The following ZFC3H1 variants were observed in gnomAD, a reference collection of about 807,000 sequenced individuals.
The protein encoded by ZFC3H1 is zinc finger C3H1-type containing.
A neutral mutation model predicts 243.7 loss-of-function variants in ZFC3H1; 71 were observed. The ratio of observed to expected loss-of-function variants is 0.29; its 90% CI spans 0.24 to 0.36. The LOEUF (loss-of-function observed/expected upper bound fraction) is 0.36, where lower values mean the gene tolerates loss of function less well. ZFC3H1 is among the 10% of genes least tolerant of loss of function. The pLI is 1.00. For missense variants in ZFC3H1, 1,966 were observed against 2,317.1 expected, an observed-to-expected ratio of 0.85 and a Z score of 3.11; for synonymous variants, 838 against 813.0, an observed-to-expected ratio of 1.03 and a Z score of -0.52.
At chr12:71,649,859 T>C (rs1012280917) in intron 2 of ZFC3H1, among the ~76,000 whole-genome samples, 8 of 152,224 alleles carry the variant, frequency 5.3e-5, no homozygotes, top group Admixed American at 2.0e-4. Context: ...TCTATTAACA[T>C]AGCAGGTACC....
intron 2 of ZFC3H1, among the ~76,000 whole-genome samples, chr12:71,648,803 C>T (rs975549275): frequency 1.3e-5 from 2 of 152,008 alleles, no homozygotes; most frequent in African/African-American, 2.4e-5. Flanking sequence ...GAAAATAATT[C>T]GAGCAGCCAG....
intron 7 of ZFC3H1, among the ~76,000 whole-genome samples, chr12:71,637,895 T>C (rs1281491494): frequency 6.6e-6 from 1 of 152,144 alleles, no homozygotes; most frequent in Non-Finnish European, 1.5e-5. Flanking sequence ...CTTTTTTTCC[T>C]TTTCCTTTTA....
chr12:71,656,159 C>CT (rs1881012438), intron 2 of ZFC3H1, among the ~76,000 whole-genome samples: 1 of 152,078 alleles, frequency 6.6e-6, no homozygotes, highest in Non-Finnish European at 1.5e-5. Context: ...CTTGGAGAAA[C>CT]TGTTTGAGGT....
chr12:71,656,460 C>T (rs745852888), intron 2 of ZFC3H1: 1 of 615,766 alleles, frequency 1.6e-6, no homozygotes, highest in South Asian at 2.0e-5. Flanking sequence ...GATGCTCATC[C>T]CAATAATGAA....
intron 6 of ZFC3H1, 56 bp from the exon 7 acceptor site, chr12:71,638,571 T>C (rs1397033804): frequency 1.8e-5 from 24 of 1,349,578 alleles, no homozygotes; most frequent in Non-Finnish European, 2.4e-5. Context: ...ATCAGGAATA[T>C]ATTAAGTTTA....
rs1881259456 is a variant in ZFC3H1 at position 71,663,692 on chromosome 12, A to G, written c.-82T>C. 6.7e-7 allele frequency: 1 copy of G among 1,497,590 alleles called. No homozygotes were observed. Among genetic ancestry groups the G allele is most frequent in the East Asian group, 2.3e-5 (1 of 44,246 alleles). The allele number at this position is 1,497,590 out of a possible 1,614,324, so 92.8% of individuals were successfully genotyped here. ...AATTGCCTCGTTTCCCTTCTTTCCT[A>G]ACGGACTGGGTCGGTGCGGTCTTAC... On this transcript the variant is annotated 5_prime_UTR_variant, in exon 1 of 35. Coordinates refer to ENST00000378743, the MANE Select transcript of ZFC3H1 (RefSeq NM_144982.5).
chr12:71,634,904 G>A, intron 10 of ZFC3H1, 79 bp from the exon 11 acceptor site: 2 of 1,461,590 alleles, frequency 1.4e-6, no homozygotes, highest in South Asian at 2.7e-5. Flanking sequence ...ATTTTACATT[G>A]CAACCCAGTG....
intron 1 of ZFC3H1, among the ~76,000 whole-genome samples, chr12:71,658,410 T>A (rs543691166): frequency 6.8e-6 from 1 of 148,084 alleles, no homozygotes; most frequent in South Asian, 2.2e-4. Flanking sequence ...TGTCTCAGCC[T>A]CCTGAGTAGC....
chr12:71,655,465 G>C (rs1455026292), intron 2 of ZFC3H1, among the ~76,000 whole-genome samples: 2 of 151,722 alleles, frequency 1.3e-5, no homozygotes, highest in Non-Finnish European at 2.9e-5. Context: ...ACTTATTTCA[G>C]GGTAAATTAA....
chr12:71,614,769 A>T, intron 29 of ZFC3H1, 65 bp downstream of exon 29: 2 of 1,588,574 alleles, frequency 1.3e-6, no homozygotes, highest in South Asian at 2.3e-5. Context: ...AAAGCTGGTC[A>T]CCCCTTTCCC....
At chr12:71,634,437 G>C in intron 11 of ZFC3H1, 133 bp from the exon 12 acceptor site, 1 of 1,151,210 alleles carries the variant, frequency 8.7e-7, no homozygotes, top group Non-Finnish European at 1.2e-6. Flanking sequence ...CAATATGCAA[G>C]ACCCAAGTCA....
At chr12:71,645,532 C>T (rs1375407330) in intron 3 of ZFC3H1, among the ~76,000 whole-genome samples, 2 of 152,174 alleles carry the variant, frequency 1.3e-5, no homozygotes, top group African/African-American at 2.4e-5. Flanking sequence ...AACAGACACA[C>T]TGAATGTCAA....
Position 71,633,275 on chromosome 12 carries a change from G to A in ZFC3H1, c.2674C>T (p.Leu892Phe). ...LNVNRMFLKK[L>F]QEQIHRVQQR... ...TTTAAAATAATTACTTGTTCCTGAAGCTTCTTCAAAAACATTCTGTTAACA... is the reference window on the plus strand; with the variant it reads ...TTTAAAATAATTACTTGTTCCTGAAACTTCTTCAAAAACATTCTGTTAACA... Residue 892 changes from leucine to phenylalanine, a missense_variant, in exon 13 of 35, where the codon CTT (leucine) becomes TTT (phenylalanine). Physicochemically the swap from Leu to Phe is conservative, Grantham distance 22. Coordinates refer to ENST00000378743, the MANE Select transcript of ZFC3H1 (RefSeq NM_144982.5). 1 of 1,579,308 alleles carries A rather than the reference G, an allele frequency of 6.3e-7. No homozygotes were observed. The highest frequency in any genetic ancestry group is 8.6e-7 in the Non-Finnish European group (1 of 1,168,142).
chr12:71,641,084 G>A (rs566856911), intron 6 of ZFC3H1, among the ~76,000 whole-genome samples: 1 of 151,978 alleles, frequency 6.6e-6, no homozygotes, highest in Non-Finnish European at 1.5e-5. Flanking sequence ...TGACAAAGCC[G>A]CTTAGAGAGT....
chr12:71,625,550 G>T (rs564429748), intron 22 of ZFC3H1, among the ~76,000 whole-genome samples: 3 of 152,180 alleles, frequency 2.0e-5, no homozygotes, highest in Middle Eastern at 3.4e-3. Flanking sequence ...AAACTATCCA[G>T]GCATGGTAGC....
rs1262948876 is a variant in ZFC3H1 at position 71,663,636 on chromosome 12, C to T, written c.-26G>A. 1 of 1,589,496 alleles carries T rather than the reference C, an allele frequency of 6.3e-7. No homozygotes were observed. The highest frequency in any genetic ancestry group is 2.2e-5 in the East Asian group (1 of 44,650). Reference sequence around the variant, plus strand: ...CCGGGGAGCAGCGCCTTCCACACAACCTTAGCCCTCCGTCCGGGGATCCGC... The same window carrying T: ...CCGGGGAGCAGCGCCTTCCACACAATCTTAGCCCTCCGTCCGGGGATCCGC... On this transcript the variant is annotated 5_prime_UTR_variant, in exon 1 of 35. Transcript: ENST00000378743.
chr12:71,637,540 T>G (rs1426219937), intron 7 of ZFC3H1, among the ~76,000 whole-genome samples: 3 of 152,188 alleles, frequency 2.0e-5, no homozygotes, highest in African/African-American at 7.2e-5. Context: ...ACCACTACTC[T>G]CTTAAAATGG....
At chr12:71,655,390 A>C (rs1006478052) in intron 2 of ZFC3H1, among the ~76,000 whole-genome samples, 3 of 152,164 alleles carry the variant, frequency 2.0e-5, no homozygotes, top group Admixed American at 2.0e-4. Flanking sequence ...AACTAAAGTC[A>C]AACTTTATGG....
chr12:71,612,606 T>C (rs555430156), intron 31 of ZFC3H1, among the ~76,000 whole-genome samples: 1 of 152,158 alleles, frequency 6.6e-6, no homozygotes, highest in African/African-American at 2.4e-5. Flanking sequence ...CCCACATACA[T>C]GCTAAATGAA....
Sources: gnomAD v4.1 joint callset for allele counts (sites outside exome capture counted in the v4.1 genomes callset) on GRCh38, gnomAD v4.1.1 for gene constraint, MANE v1.5 for transcripts, NCBI Gene and HGNC (gene_info 2026-07-23, HGNC 2026-07-21) for gene names.